Variants in PFKFB1 observed in about 807,000 individuals in gnomAD.
The protein encoded by PFKFB1 is 6-phosphofructo-2-kinase/fructose-2,6-biphosphatase 1, also known as 6-phosphofructo-2-kinase/fructose-2,6-bisphosphatase 1.
In PFKFB1, 34 loss-of-function variants were observed where a neutral mutation model predicts 46.4. The ratio of observed to expected loss-of-function variants is 0.73; its 90% confidence interval spans 0.56 to 0.98. The LOEUF is 0.98. Among genes scored for constraint, PFKFB1 ranks in the 50% least tolerant of loss-of-function variants. The pLI is 0.00. For synonymous variants in PFKFB1, 119 were observed against 133.8 expected (o/e 0.89, Z 0.76); for missense variants, 393 against 376.3 (o/e 1.04, Z -0.37).
chrX:54,947,053 T>C (rs1320212586), intron 9 of PFKFB1, among the ~76,000 whole-genome samples: 3 of 111,687 alleles, frequency 2.7e-5, no homozygotes, highest in African/African-American at 9.8e-5. Flanking sequence ...CCATTTGTAC[T>C]ACTACAACCT....
intron 1 of PFKFB1, among the ~76,000 whole-genome samples, chrX:54,982,772 C>A (rs748920768): frequency 9.0e-5 from 10 of 111,009 alleles, no homozygotes; most frequent in Admixed American, 2.9e-4. Flanking sequence ...TACAGGTATG[C>A]AAGACTAGAA....
chrX:54,943,816 C>T (rs779380860), intron 10 of PFKFB1, among the ~76,000 whole-genome samples: 57 of 110,052 alleles, frequency 5.2e-4, no homozygotes, highest in African/African-American at 1.8e-3. Context: ...AAAAGAAAGA[C>T]GGAAAATGAA....
In PFKFB1 at chrX:54,958,914, G is replaced by A; in HGVS notation, c.396C>T (p.Ala132=). ...ACCGTCGTTCTCTGGTAGTGTTGGT[G>A]GCATCAAAAACCTAGAGGCAGGTAA... is the stretch of plus-strand genomic sequence containing the variant. ...HEEGHVAVFD[A]TNTTRERRSL... Residue 132 remains alanine (A), a synonymous_variant, in exon 5 of 14, where the codon GCC becomes GCT. Coordinates refer to ENST00000375006, the MANE Select transcript of PFKFB1 (RefSeq NM_002625.4). 8.4e-7 allele frequency: 1 copy of A among 1,185,253 alleles called. No homozygotes were observed. The highest frequency in any genetic ancestry group is 1.1e-6 in the Non-Finnish European group (1 of 872,404).
In PFKFB1 at chrX:54,981,314, A is replaced by C. The variant is rs781227522; in HGVS notation, c.97+12597T>G. 2.7e-5 allele frequency among the ~76,000 whole-genome samples: 3 copies of C among 111,776 alleles called. No individual in the cohort carries two copies. The Admixed American group carries it at 2.8e-4, about 11-fold the overall frequency. On this transcript the variant is annotated intron_variant, in intron 1 of 13. Coordinates refer to ENST00000375006, the MANE Select transcript of PFKFB1 (RefSeq NM_002625.4). ...TAAAATTTCAGAACACTAAAGCTGA[A>C]TAGATCTTAAAAAGCAATCAAAGAT...
At chrX:54,974,291 T>A (rs752930149) in intron 1 of PFKFB1, among the ~76,000 whole-genome samples, 2 of 111,933 alleles carry the variant, frequency 1.8e-5, no homozygotes, top group Non-Finnish European at 3.8e-5. Context: ...AACCCAGAAA[T>A]AAAGCCAAAT....
At chrX:54,995,348 C>T (rs776836370), upstream of PFKFB1, among the ~76,000 whole-genome samples, 68 of 112,084 alleles carry the variant, frequency 6.1e-4, no homozygotes, top group African/African-American at 2.0e-3. Context: ...AATCCCTGCC[C>T]TCAAATGCTC....
intron 8 of PFKFB1, among the ~76,000 whole-genome samples, chrX:54,949,917 G>A (rs1294001008): frequency 1.8e-5 from 2 of 112,577 alleles, no homozygotes; most frequent in African/African-American, 6.4e-5. Flanking sequence ...CTTAAGCAGG[G>A]TTCCTGGTAC....
chrX:54,940,592 C>CA (rs1318108727), intron 10 of PFKFB1, among the ~76,000 whole-genome samples: 1 of 111,345 alleles, frequency 9.0e-6, no homozygotes, highest in Non-Finnish European at 1.9e-5. Flanking sequence ...TTCTTTACAC[C>CA]AAAAACAGAC....
chrX:54,987,478 T>G (rs1049006639), intron 1 of PFKFB1, among the ~76,000 whole-genome samples: 6 of 110,985 alleles, frequency 5.4e-5, no homozygotes, highest in Admixed American at 4.8e-4. Context: ...GCACATATAT[T>G]AGAAGAAAAG....
chrX:54,985,739 ATATAT>A (rs1020603563), intron 1 of PFKFB1, among the ~76,000 whole-genome samples: 3 of 109,944 alleles, frequency 2.7e-5, no homozygotes, highest in East Asian at 5.6e-4. Flanking sequence ...GATATAATAT[ATATAT>A]TATAATAGCT....
In PFKFB1 at chrX:54,956,178, G is replaced by A. The variant is rs1470495289; in HGVS notation, c.613C>T (p.Gln205Ter). The change falls in exon 7 of 14, where the codon CAA (glutamine) becomes TAA (stop). Residue 205 changes from glutamine to a stop codon, truncating the protein, a stop_gained. Coordinates refer to ENST00000375006, the MANE Select transcript of PFKFB1 (RefSeq NM_002625.4). LOFTEE classifies it high-confidence loss of function. The part of the protein sequence containing the change: ...KRIECYEVNY[Q>*]PLDEELDSHL... ...CTGTCCAGTTCCTCATCCAAGGGTT[G>A]GTAGTTGACCTCATAGCACTCAATT... The A allele has an allele frequency of 1.7e-6, 2 of 1,204,860 alleles. No homozygotes were observed. Among genetic ancestry groups the A allele is most frequent in the African/African-American group, 3.5e-5 (2 of 57,142 alleles).
upstream of PFKFB1, among the ~76,000 whole-genome samples, chrX:54,997,306 C>A (rs1016260235): frequency 2.7e-5 from 3 of 111,760 alleles, no homozygotes; most frequent in African/African-American, 9.8e-5. Flanking sequence ...GAAGTCCTCT[C>A]TGAAAAGGGC....
chrX:54,966,119 C>T (rs937006678), intron 1 of PFKFB1, among the ~76,000 whole-genome samples: 10 of 111,615 alleles, frequency 9.0e-5, no homozygotes, highest in African/African-American at 1.6e-4. Context: ...AAATGTGAAT[C>T]GACTAAACAT....
At chrX:54,961,231 T>C (rs1934304374) in intron 2 of PFKFB1, among the ~76,000 whole-genome samples, 1 of 110,606 alleles carries the variant, frequency 9.0e-6, no homozygotes. Context: ...TAGCTGGTGG[T>C]CTTTCCATTA....
chrX:54,994,133 A>G lies in PFKFB1; in HGVS notation c.-126T>C. The G allele has an allele frequency of 9.1e-7, 1 of 1,104,449 alleles. No individual in the cohort carries two copies. The highest frequency in any genetic ancestry group is 1.2e-6 in the Non-Finnish European group (1 of 844,836). 91.0% of individuals were successfully genotyped at this position (1,104,449 alleles called of 1,213,427 possible). On this transcript the variant is annotated 5_prime_UTR_variant, in exon 1 of 14. Transcript: ENST00000375006. ...TGGACAGGGCTGGGACAGGGGGTGT[A>G]CTGGGTTTCTGAGCCCTCTCAAAGT...
rs1460097374 is a variant in PFKFB1 at position 54,956,168 on chromosome X, T to C, written c.623A>G (p.Asp208Gly). 2.5e-6 allele frequency: 3 copies of C among 1,202,919 alleles called. No homozygotes were observed. Among genetic ancestry groups the C allele is most frequent in the Non-Finnish European group, 3.4e-6 (3 of 888,757 alleles). The part of the protein sequence containing the change: ...ECYEVNYQPL[D>G]EELDSHLSYI... ...TGGCTCTTACCTGTCCAGTTCCTCA[T>C]CCAAGGGTTGGTAGTTGACCTCATA... The change falls in exon 7 of 14, where the codon GAT becomes GGT. Residue 208 changes from aspartate to glycine, a missense_variant. Physicochemically the swap from Asp to Gly is moderately conservative, Grantham distance 94 (BLOSUM62 -1). Transcript: ENST00000375006.
At chrX:54,941,104 T>C (rs970279043) in intron 10 of PFKFB1, among the ~76,000 whole-genome samples, 3 of 111,917 alleles carry the variant, frequency 2.7e-5, no homozygotes, top group African/African-American at 6.5e-5. Flanking sequence ...TACAACTATC[T>C]GATCTTTGAC....
intron 1 of PFKFB1, among the ~76,000 whole-genome samples, chrX:54,990,921 ACT>A (rs1244325610): frequency 1.8e-5 from 2 of 112,258 alleles, no homozygotes; most frequent in Non-Finnish European, 3.8e-5. Flanking sequence ...GTATTGGCAA[ACT>A]CAGAATAAAC....
intron 10 of PFKFB1, among the ~76,000 whole-genome samples, chrX:54,938,786 AT>A (rs1309054625): frequency 9.0e-6 from 1 of 111,534 alleles, no homozygotes; most frequent in Non-Finnish European, 1.9e-5. Flanking sequence ...CCACACAATA[AT>A]AATGAGAGAC....
Sources: gnomAD v4.1 joint callset for allele counts (sites outside exome capture counted in the v4.1 genomes callset) on GRCh38, gnomAD v4.1.1 for gene constraint, MANE v1.5 for transcripts, NCBI Gene and HGNC (gene_info 2026-07-23, HGNC 2026-07-21) for gene names.